Variants in RNF150 observed in about 807,000 individuals in gnomAD.
RNF150 encodes the protein ring finger protein 150.
A neutral mutation model predicts 39.3 loss-of-function variants in RNF150; 24 were observed. The ratio of observed to expected loss-of-function variants is 0.61; its 90% CI spans 0.44 to 0.86. The LOEUF (loss-of-function observed/expected upper bound fraction) is 0.86. Among genes scored for constraint, RNF150 ranks in the 40% least tolerant of loss-of-function variants. The pLI is 0.00. For missense variants in RNF150, 502 were observed against 587.8 expected (o/e 0.85, Z 1.51); for synonymous variants, 255 against 227.3 (o/e 1.12, Z -1.10).
At chr4:141,185,446 T>C (rs1466262402) in intron 1 of RNF150, among the ~76,000 whole-genome samples, 1 of 152,210 alleles carries the variant, frequency 6.6e-6, no homozygotes, top group Non-Finnish European at 1.5e-5. Flanking sequence ...CAATGGGTTT[T>C]TCTAAATATA....
intron 1 of RNF150, among the ~76,000 whole-genome samples, chr4:141,139,870 C>G (rs1234290855): frequency 1.3e-5 from 2 of 152,158 alleles, no homozygotes; most frequent in Non-Finnish European, 2.9e-5. Flanking sequence ...GGCTATACTA[C>G]CACATTGGTA....
intron 5 of RNF150, among the ~76,000 whole-genome samples, chr4:140,915,989 A>G (rs1054943650): frequency 1.3e-4 from 20 of 152,122 alleles, no homozygotes; most frequent in African/African-American, 4.8e-4. Flanking sequence ...GAGGGTCCTG[A>G]CCTTAGAAGG....
At chr4:140,904,783 G>A (rs1166264932) in intron 6 of RNF150, among the ~76,000 whole-genome samples, 1 of 152,116 alleles carries the variant, frequency 6.6e-6, no homozygotes, top group Non-Finnish European at 1.5e-5. Flanking sequence ...TCTTTCTCTT[G>A]TTTTCCTGTT....
chr4:141,167,741 T>G (rs1727628306), intron 1 of RNF150, among the ~76,000 whole-genome samples: 1 of 152,204 alleles, frequency 6.6e-6, no homozygotes, highest in South Asian at 2.1e-4. Flanking sequence ...GCTAGCCATA[T>G]GCAGAAAACT....
intron 6 of RNF150, among the ~76,000 whole-genome samples, chr4:140,908,597 T>C (rs1455695188): frequency 6.6e-6 from 1 of 152,170 alleles, no homozygotes; most frequent in Non-Finnish European, 1.5e-5. Flanking sequence ...CAAGCTTAGA[T>C]TGAACATGTT....
intron 1 of RNF150, among the ~76,000 whole-genome samples, chr4:141,069,851 G>C (rs1322385491): frequency 3.3e-5 from 5 of 152,180 alleles, no homozygotes; most frequent in Non-Finnish European, 7.3e-5. Context: ...TTTGCGTAGA[G>C]GTGTTTGTAG....
At chr4:140,896,687 TAAAA>T (rs368166601) in intron 6 of RNF150, among the ~76,000 whole-genome samples, 2 of 79,292 alleles carry the variant, frequency 2.5e-5, no homozygotes, top group African/African-American at 4.2e-5. Context: ...TAGAGTATAA[TAAAA>T]AAAAAAAAAC....
At chr4:141,108,390 A>G (rs28667926) in intron 1 of RNF150, among the ~76,000 whole-genome samples, 10,304 of 152,182 alleles carry the variant, frequency 0.068, 1,050 homozygotes, top group African/African-American at 0.22. Context: ...TAGAATACGT[A>G]CTGGTACATT....
chr4:140,989,417 T>C (rs762377504), intron 1 of RNF150, among the ~76,000 whole-genome samples: 10 of 152,168 alleles, frequency 6.6e-5, no homozygotes, highest in Admixed American at 5.9e-4. Flanking sequence ...TTCTGGGAGC[T>C]GGCCAAAAAG....
intron 1 of RNF150, among the ~76,000 whole-genome samples, chr4:141,208,358 A>AGCAAGGAAAAAAAAAG (rs1728409358): frequency 6.6e-6 from 1 of 152,178 alleles, no homozygotes; most frequent in African/African-American, 2.4e-5. Flanking sequence ...CAGAAAATTA[A>AGCAAGGAAAAAAAAAG]GCAAGGAAAA....
chr4:141,090,027 G>GA (rs1738520108), intron 1 of RNF150, among the ~76,000 whole-genome samples: 1 of 152,146 alleles, frequency 6.6e-6, no homozygotes, highest in African/African-American at 2.4e-5. Context: ...TGGACATCTT[G>GA]AAAAAAATCA....
At chr4:141,011,033 G>A (rs547498928) in intron 1 of RNF150, among the ~76,000 whole-genome samples, 160 of 152,084 alleles carry the variant, frequency 1.1e-3, no homozygotes, top group African/African-American at 3.8e-3. Flanking sequence ...GTATTTAAAA[G>A]TGCTGATTTA....
At chr4:141,010,003 T>A (rs1308959703) in intron 1 of RNF150, among the ~76,000 whole-genome samples, 2 of 152,208 alleles carry the variant, frequency 1.3e-5, no homozygotes, top group Non-Finnish European at 2.9e-5. Context: ...AAATGTTACT[T>A]GATGTGTTTG....
chr4:141,131,093 A>C (rs375140902), intron 1 of RNF150, among the ~76,000 whole-genome samples: 12 of 152,244 alleles, frequency 7.9e-5, no homozygotes, highest in African/African-American at 2.4e-4. Flanking sequence ...TGATTACTGG[A>C]GGCAAACCAA....
intron 1 of RNF150, among the ~76,000 whole-genome samples, chr4:141,066,890 G>A (rs988370099): frequency 6.6e-6 from 1 of 152,132 alleles, no homozygotes; most frequent in African/African-American, 2.4e-5. Flanking sequence ...ATCATAAAAT[G>A]TACTTATACA....
intron 1 of RNF150, among the ~76,000 whole-genome samples, chr4:141,138,709 G>T (rs934450174): frequency 6.6e-6 from 1 of 152,104 alleles, no homozygotes; most frequent in African/African-American, 2.4e-5. Flanking sequence ...AGAATCTCAG[G>T]CCTGCCACAT....
chr4:141,128,239 G>A (rs903507260), intron 1 of RNF150, among the ~76,000 whole-genome samples: 1 of 152,150 alleles, frequency 6.6e-6, no homozygotes, highest in African/African-American at 2.4e-5. Flanking sequence ...CTTTGTGCCA[G>A]CTACAGATTT....
At chr4:141,073,769 C>T (rs1283348430) in intron 1 of RNF150, among the ~76,000 whole-genome samples, 2 of 152,094 alleles carry the variant, frequency 1.3e-5, no homozygotes, top group Non-Finnish European at 2.9e-5. Context: ...GTCATCTCTA[C>T]AATCCTAGCT....
chr4:141,160,233 T>C (rs1302319395), intron 1 of RNF150, among the ~76,000 whole-genome samples: 1 of 152,066 alleles, frequency 6.6e-6, no homozygotes, highest in Non-Finnish European at 1.5e-5. Flanking sequence ...GGAAAGAAAA[T>C]GGAAGTTATC....
Sources: allele counts gnomAD v4.1 joint callset (sites outside exome capture counted in the v4.1 genomes callset), GRCh38; gene constraint gnomAD v4.1.1; transcripts MANE v1.5; gene names NCBI Gene and HGNC (gene_info 2026-07-23, HGNC 2026-07-21).